The following TTC28 variants were observed in gnomAD, a reference collection of about 807,000 sequenced individuals.
The protein encoded by TTC28 is tetratricopeptide repeat protein 28.
Under a neutral mutation model 198.0 loss-of-function variants are expected in TTC28, and 61 were observed. That is an observed-to-expected ratio of 0.31 (90% confidence interval 0.25 to 0.38). The LOEUF is 0.38. TTC28 is among the 10% of genes least tolerant of loss of function. The pLI, the probability that TTC28 is intolerant of heterozygous loss-of-function variation, is 1.00. For missense variants in TTC28, 2,678 were observed against 3,164.0 expected (o/e 0.85, Z 3.69); for synonymous variants, 1,171 against 1,297.8 (o/e 0.90, Z 2.10).
chr22:28,612,254 A>T (rs543697294), intron 2 of TTC28, among the ~76,000 whole-genome samples: 2 of 152,354 alleles, frequency 1.3e-5, no homozygotes, highest in Middle Eastern at 3.4e-3. Context: ...TGGTAAAGGG[A>T]TCACTGCAAC....
chr22:28,107,452 C>G lies in TTC28; in HGVS notation c.2393G>C (p.Gly798Ala). The change falls in exon 7 of 23, where the codon GGG becomes GCG. Residue 798 changes from glycine (G) to alanine (A), a missense_variant. Physicochemically the swap from Gly to Ala is moderately conservative, Grantham distance 60. Coordinates refer to ENST00000397906, the MANE Select transcript of TTC28 (RefSeq NM_001145418.2). ...SDLPGECRAHGHLAAVYMALG... is the reference protein window; with the variant it reads ...SDLPGECRAHAHLAAVYMALG... ...GGCCATGTAGACAGCAGCCAGGTGC[C>G]CATGAGCTCTGCACTCCCCTGGCAA... The G allele has an allele frequency of 6.4e-7, 1 of 1,551,708 alleles. No homozygotes were observed. Among genetic ancestry groups the G allele is most frequent in the Non-Finnish European group, 8.7e-7 (1 of 1,147,004 alleles).
At chr22:28,445,905 G>A (rs1178297250) in intron 2 of TTC28, among the ~76,000 whole-genome samples, 1 of 151,486 alleles carries the variant, frequency 6.6e-6, no homozygotes, top group Non-Finnish European at 1.5e-5. Flanking sequence ...TTTCTAAAAT[G>A]TTCATTCACA....
At chr22:28,146,235 C>A (rs1943466438) in intron 6 of TTC28, among the ~76,000 whole-genome samples, 1 of 152,172 alleles carries the variant, frequency 6.6e-6, no homozygotes, top group Admixed American at 6.5e-5. Context: ...CCAGTAGTTT[C>A]TCTGCTACAA....
intron 2 of TTC28, among the ~76,000 whole-genome samples, chr22:28,466,236 A>G (rs545899362): frequency 6.6e-6 from 1 of 152,362 alleles, no homozygotes; most frequent in African/African-American, 2.4e-5. Flanking sequence ...AAAGTCTCCC[A>G]ATACTTCGCA....
chr22:28,555,293 T>A (rs1486163492), intron 2 of TTC28, among the ~76,000 whole-genome samples: 1 of 152,158 alleles, frequency 6.6e-6, no homozygotes, highest in Admixed American at 6.5e-5. Context: ...GGAGACTCAT[T>A]AAACAACTAA....
At chr22:28,632,979 T>G (rs966877257) in intron 1 of TTC28, among the ~76,000 whole-genome samples, 1 of 150,038 alleles carries the variant, frequency 6.7e-6, no homozygotes, top group East Asian at 2.0e-4. Flanking sequence ...AAAAAAAAAA[T>G]TATTTAAAAA....
intron 5 of TTC28, among the ~76,000 whole-genome samples, chr22:28,238,762 A>T (rs1929439822): frequency 6.6e-6 from 1 of 151,934 alleles, no homozygotes; most frequent in Non-Finnish European, 1.5e-5. Flanking sequence ...CTCAATAATT[A>T]TTTTTTGCCT....
At chr22:28,490,503 G>A (rs1331214270) in intron 2 of TTC28, among the ~76,000 whole-genome samples, 1 of 152,138 alleles carries the variant, frequency 6.6e-6, no homozygotes, top group East Asian at 1.9e-4. Flanking sequence ...CTTCAAGGGA[G>A]TAGAGAAGTA....
chr22:28,337,296 C>A (rs1466744356), intron 2 of TTC28, among the ~76,000 whole-genome samples: 1 of 152,112 alleles, frequency 6.6e-6, no homozygotes, highest in African/African-American at 2.4e-5. Flanking sequence ...TGGTGTGGTG[C>A]TGAAAAGAAT....
At chr22:28,037,909 C>T (rs190620936) in intron 12 of TTC28, among the ~76,000 whole-genome samples, 15 of 152,228 alleles carry the variant, frequency 9.9e-5, no homozygotes, top group African/African-American at 3.6e-4. Context: ...GAGTGAACTC[C>T]CATTCGCGAT....
At chr22:28,483,178 G>C (rs1450569483) in intron 2 of TTC28, among the ~76,000 whole-genome samples, 1 of 152,088 alleles carries the variant, frequency 6.6e-6, no homozygotes, top group Non-Finnish European at 1.5e-5. Context: ...ACATGTATTA[G>C]ATAAAGTCTC....
At chr22:28,521,065 C>G (rs1045991909) in intron 2 of TTC28, among the ~76,000 whole-genome samples, 2 of 151,742 alleles carry the variant, frequency 1.3e-5, no homozygotes, top group African/African-American at 4.8e-5. Flanking sequence ...CAAAACAAAA[C>G]AAAACAAATT....
chr22:28,253,690 G>T (rs1369618901), intron 5 of TTC28, among the ~76,000 whole-genome samples: 1 of 152,152 alleles, frequency 6.6e-6, no homozygotes, highest in Non-Finnish European at 1.5e-5. Context: ...AAAATATTAA[G>T]GAGGTAACAC....
intron 6 of TTC28, among the ~76,000 whole-genome samples, chr22:28,134,689 A>G (rs1601363680): frequency 6.6e-6 from 1 of 152,276 alleles, no homozygotes; most frequent in South Asian, 2.1e-4. Flanking sequence ...TAAGAAATAT[A>G]GGACTACGTG....
intron 5 of TTC28, among the ~76,000 whole-genome samples, chr22:28,288,705 C>T (rs568924392): frequency 7.3e-5 from 11 of 149,826 alleles, no homozygotes; most frequent in Admixed American, 6.7e-4. Context: ...CCCAGCTACT[C>T]GGGAGACTGA....
chr22:28,124,686 C>T (rs1225687932), intron 6 of TTC28, among the ~76,000 whole-genome samples: 2 of 152,136 alleles, frequency 1.3e-5, no homozygotes, highest in African/African-American at 2.4e-5. Context: ...CTTCTGTAAG[C>T]AAGATACAGG....
intron 6 of TTC28, among the ~76,000 whole-genome samples, chr22:28,121,874 T>A (rs1489830332): frequency 6.6e-6 from 1 of 152,198 alleles, no homozygotes; most frequent in African/African-American, 2.4e-5. Context: ...TTTTGTTTTG[T>A]TTATTTTGTT....
intron 5 of TTC28, among the ~76,000 whole-genome samples, chr22:28,164,267 G>A (rs1443965835): frequency 1.3e-5 from 2 of 152,172 alleles, no homozygotes; most frequent in Admixed American, 1.3e-4. Context: ...AGACTTAAAT[G>A]TCCCTGTCTG....
At chr22:28,007,558 G>A (rs1440471917) in intron 14 of TTC28, 1 of 152,200 alleles carries the variant, frequency 6.6e-6, no homozygotes, top group Non-Finnish European at 1.5e-5. Context: ...CAGCTTGAAG[G>A]GACTGTTCAA....
Sources: allele counts gnomAD v4.1 joint callset (sites outside exome capture counted in the v4.1 genomes callset), GRCh38; gene constraint gnomAD v4.1.1; transcripts MANE v1.5; gene names NCBI Gene and HGNC (gene_info 2026-07-23, HGNC 2026-07-21).